The following GPRIN3 variants were observed in gnomAD, a reference collection of about 807,000 sequenced individuals.
The protein encoded by GPRIN3 is GPRIN family member 3.
GPRIN3 carries 12 observed loss-of-function variants against 13.7 expected under a neutral mutation model. The ratio of observed to expected loss-of-function variants is 0.87; its 90% CI spans 0.56 to 1.42. The LOEUF (loss-of-function observed/expected upper bound fraction) is 1.42. Among genes scored for constraint, GPRIN3 ranks in the 40% most tolerant of loss-of-function variants. The probability of loss-of-function intolerance (pLI) is 0.00; values close to 1 mark genes in which losing one functional copy is unlikely to be tolerated. For synonymous variants in GPRIN3, 377 were observed against 372.7 expected, an observed-to-expected ratio of 1.01 and a Z score of -0.13; for missense variants, 1,009 against 958.7, an observed-to-expected ratio of 1.05 and a Z score of -0.69.
chr4:89,285,512 G>A (rs1348277537), intron 1 of GPRIN3, among the ~76,000 whole-genome samples: 1 of 152,082 alleles, frequency 6.6e-6, no homozygotes, highest in Non-Finnish European at 1.5e-5. Context: ...GAACCCCCAG[G>A]TGGTTACAAC....
intron 1 of GPRIN3, among the ~76,000 whole-genome samples, chr4:89,264,121 A>G (rs935936811): frequency 6.6e-6 from 1 of 152,146 alleles, no homozygotes; most frequent in Non-Finnish European, 1.5e-5. Flanking sequence ...TCGTGTTGAA[A>G]TTTAATCCCC....
chr4:89,279,139 T>C (rs185536416), intron 1 of GPRIN3, among the ~76,000 whole-genome samples: 29 of 152,268 alleles, frequency 1.9e-4, no homozygotes, highest in Middle Eastern at 6.8e-3. Flanking sequence ...AACAGTGAAT[T>C]TGGGGAGGTT....
intron 1 of GPRIN3, among the ~76,000 whole-genome samples, chr4:89,288,072 C>T (rs1269698267): frequency 5.9e-5 from 9 of 152,078 alleles, no homozygotes; most frequent in Non-Finnish European, 1.0e-4. Flanking sequence ...TTCGGTGCCT[C>T]GAGGGCCCGT....
Position 89,244,556 on chromosome 4 carries a change from C to G in GPRIN3, c.*3224G>C, listed in dbSNP as rs991442292. On this transcript the variant is annotated 3_prime_UTR_variant, in exon 2 of 2. Transcript: ENST00000609438. ...AGCACAAAGGTTAATCAATATTTTA[C>G]TCTATGTAAAGTAGTTGGTCTGTGG... The G allele has an allele frequency of 3.3e-5, 5 of 152,114 alleles. No homozygotes were observed. Among genetic ancestry groups the G allele is most frequent in the African/African-American group, 9.7e-5 (4 of 41,428 alleles). 9.4% of individuals were successfully genotyped at this position (152,114 alleles called of 1,614,324 possible). A position where few individuals can be genotyped will look rare whatever the true frequency, so the allele number is the denominator to read the frequency against.
chr4:89,285,943 T>A (rs1724400008), intron 1 of GPRIN3, among the ~76,000 whole-genome samples: 1 of 152,182 alleles, frequency 6.6e-6, no homozygotes, highest in African/African-American at 2.4e-5. Flanking sequence ...TCATTTGGAT[T>A]AATCATTTTC....
rs1236400597 is a variant in GPRIN3, at chr4:89,249,466, A to G, written c.645T>C (p.Pro215=). 6.2e-7 allele frequency: 1 copy of G among 1,614,050 alleles called. No individual in the cohort carries two copies. The part of the protein sequence containing the change: ...AARVVSHSSS[P]VGGPEGERQG... The stretch of plus-strand genomic sequence containing the variant: ...GCCTTTCCCCTTCAGGTCCACCTAC[A>G]GGAGAGGATGAGTGACTGACCACCC... The change falls in exon 2 of 2, where the codon CCT becomes CCC. Residue 215 remains proline, a synonymous_variant. Coordinates refer to ENST00000609438, the MANE Select transcript of GPRIN3 (RefSeq NM_198281.3).
At chr4:89,267,810 C>T (rs1196432370) in intron 1 of GPRIN3, among the ~76,000 whole-genome samples, 1 of 152,114 alleles carries the variant, frequency 6.6e-6, no homozygotes, top group Non-Finnish European at 1.5e-5. Context: ...ATTAGAGAAA[C>T]CTACACAAAG....
At chr4:89,305,522 G>A (rs1403901851) in intron 1 of GPRIN3, among the ~76,000 whole-genome samples, 1 of 152,166 alleles carries the variant, frequency 6.6e-6, no homozygotes, top group African/African-American at 2.4e-5. Flanking sequence ...ATAAAGGGCA[G>A]GAGCAGCTGC....
chr4:89,304,075 C>T (rs1046176310), intron 1 of GPRIN3, among the ~76,000 whole-genome samples: 5 of 152,098 alleles, frequency 3.3e-5, no homozygotes, highest in African/African-American at 1.2e-4. Flanking sequence ...CAGGTCCATC[C>T]ATCTTTTATA....
At chr4:89,260,298 G>T (rs1723589256) in intron 1 of GPRIN3, among the ~76,000 whole-genome samples, 1 of 152,134 alleles carries the variant, frequency 6.6e-6, no homozygotes, top group Non-Finnish European at 1.5e-5. Context: ...CCTGCTCTGT[G>T]CTCCCCATTT....
Position 89,249,345 on chromosome 4 carries a change from C to T in GPRIN3, c.766G>A (p.Gly256Ser). The change falls in exon 2 of 2, where the codon GGC becomes AGC. Residue 256 changes from glycine to serine, a missense_variant. By Grantham distance (56) the Gly-to-Ser change is moderately conservative. Coordinates refer to ENST00000609438, the MANE Select transcript of GPRIN3 (RefSeq NM_198281.3). ...ENKQPSVTAS[G>S]PQGTTSVTPQ... Reference sequence around the variant, plus strand: ...GTCACAGAAGTTGTGCCTTGGGGGCCCGAGGCAGTGACAGAGGGCTGCTTG... The same window carrying T: ...GTCACAGAAGTTGTGCCTTGGGGGCTCGAGGCAGTGACAGAGGGCTGCTTG... The T allele has an allele frequency of 6.2e-7, 1 of 1,614,028 alleles. No homozygotes were observed. The highest frequency in any genetic ancestry group is 8.5e-7 in the Non-Finnish European group (1 of 1,179,998).
chr4:89,266,011 G>A (rs1483310574), intron 1 of GPRIN3, among the ~76,000 whole-genome samples: 1 of 152,144 alleles, frequency 6.6e-6, no homozygotes, highest in Non-Finnish European at 1.5e-5. Flanking sequence ...ACATTTTTGT[G>A]TATTTAATGT....
intron 1 of GPRIN3, among the ~76,000 whole-genome samples, chr4:89,261,399 C>T (rs1444406263): frequency 2.0e-5 from 3 of 152,114 alleles, no homozygotes; most frequent in Admixed American, 1.3e-4. Flanking sequence ...GCATATTTAC[C>T]TTTGATAGAC....
chr4:89,301,329 C>T (rs938093313), intron 1 of GPRIN3, among the ~76,000 whole-genome samples: 3 of 152,130 alleles, frequency 2.0e-5, no homozygotes, highest in Non-Finnish European at 4.4e-5. Context: ...ACAAGAAAAA[C>T]TTCTATGTTA....
intron 1 of GPRIN3, among the ~76,000 whole-genome samples, chr4:89,269,579 C>A (rs988203679): frequency 6.6e-6 from 1 of 152,118 alleles, no homozygotes; most frequent in Non-Finnish European, 1.5e-5. Context: ...CTAGAGCAGG[C>A]AAGATACAAG....
At chr4:89,292,857 G>A (rs774889228) in intron 1 of GPRIN3, among the ~76,000 whole-genome samples, 13 of 152,166 alleles carry the variant, frequency 8.5e-5, no homozygotes, top group Non-Finnish European at 1.6e-4. Flanking sequence ...AGCACCTACA[G>A]AAATCTAAAA....
chr4:89,285,295 T>A (rs1200860029), intron 1 of GPRIN3, among the ~76,000 whole-genome samples: 1 of 151,936 alleles, frequency 6.6e-6, no homozygotes. Context: ...CATGTATACC[T>A]AGGTAACAAA....
chr4:89,268,265 T>C (rs1723836301), intron 1 of GPRIN3, among the ~76,000 whole-genome samples: 1 of 152,196 alleles, frequency 6.6e-6, no homozygotes, highest in African/African-American at 2.4e-5. Flanking sequence ...TCCATCAATG[T>C]TGTTAGTAAG....
At chr4:89,286,493 G>A (rs1282847317) in intron 1 of GPRIN3, among the ~76,000 whole-genome samples, 1 of 152,016 alleles carries the variant, frequency 6.6e-6, no homozygotes, top group South Asian at 2.1e-4. Context: ...TTTTGTCAGA[G>A]AATCTACCTC....
Sources: allele counts gnomAD v4.1 joint callset (sites outside exome capture counted in the v4.1 genomes callset), GRCh38; gene constraint gnomAD v4.1.1; transcripts MANE v1.5; gene names NCBI Gene and HGNC (gene_info 2026-07-23, HGNC 2026-07-21).